The following SVIL variants were observed in gnomAD, a reference collection of about 807,000 sequenced individuals.
SVIL encodes archvillin.
In SVIL, 101 loss-of-function variants were observed where a neutral mutation model predicts 240.4. That is an observed-to-expected ratio of 0.42 (90% CI 0.36 to 0.50). SVIL has a LOEUF of 0.50. Ranked by LOEUF, SVIL falls within the 20% of genes least tolerant of loss-of-function variation. SVIL has a pLI of 0.01. For synonymous variants in SVIL, 999 were observed against 1,100.0 expected, an observed-to-expected ratio of 0.91 and a Z score of 1.82; for missense variants, 2,512 against 2,818.7, an observed-to-expected ratio of 0.89 and a Z score of 2.46.
chr10:29,564,580 G>A (rs1186997138), intron 2 of SVIL, among the ~76,000 whole-genome samples: 70 of 152,242 alleles, frequency 4.6e-4, no homozygotes, highest in Admixed American at 4.5e-3. Context: ...GACCGAGGAA[G>A]CCACTGCGCA....
intron 1 of SVIL, among the ~76,000 whole-genome samples, chr10:29,603,296 A>G (rs1956885677): frequency 6.6e-6 from 1 of 151,922 alleles, no homozygotes; most frequent in Admixed American, 6.6e-5. Flanking sequence ...TTTCTTCTTT[A>G]TAAAGAAGAA....
chr10:29,504,919 T>C (rs1484620809), intron 17 of SVIL, among the ~76,000 whole-genome samples: 1 of 152,266 alleles, frequency 6.6e-6, no homozygotes, highest in African/African-American at 2.4e-5. Context: ...TTATTCATAA[T>C]TGCCAAGACT....
chr10:29,730,807 C>T (rs1964576139), intron 1 of SVIL, among the ~76,000 whole-genome samples: 1 of 152,084 alleles, frequency 6.6e-6, no homozygotes, highest in African/African-American at 2.4e-5. Context: ...ATTTTACAAC[C>T]TTTTATAGAA....
At chr10:29,692,948 T>C (rs901502983) in intron 1 of SVIL, among the ~76,000 whole-genome samples, 10 of 152,222 alleles carry the variant, frequency 6.6e-5, no homozygotes, top group Non-Finnish European at 7.3e-5. Flanking sequence ...CTTAACCATA[T>C]ATGCCTAGTG....
At chr10:29,496,075 G>C (rs1044813110) in intron 18 of SVIL, among the ~76,000 whole-genome samples, 5 of 152,134 alleles carry the variant, frequency 3.3e-5, no homozygotes, top group African/African-American at 1.2e-4. Context: ...ACAACATCGA[G>C]AGGTTATGCA....
chr10:29,646,060 G>A (rs557866455), intron 3 of SVIL, among the ~76,000 whole-genome samples: 61 of 152,286 alleles, frequency 4.0e-4, no homozygotes, highest in Middle Eastern at 3.4e-3. Context: ...CTTTTGTCTG[G>A]TTTGTGAACT....
chr10:29,608,944 A>G (rs540383300), intron 1 of SVIL, among the ~76,000 whole-genome samples: 2 of 152,322 alleles, frequency 1.3e-5, no homozygotes, highest in African/African-American at 4.8e-5. Context: ...TTGGCCAATC[A>G]GACGGTGCTT....
At chr10:29,548,871 G>A (rs529593599) in intron 6 of SVIL, among the ~76,000 whole-genome samples, 45 of 152,318 alleles carry the variant, frequency 3.0e-4, no homozygotes, top group African/African-American at 1.1e-3. Context: ...CCCAGTAAGA[G>A]GGTCCTGAAG....
At chr10:29,699,123 T>C (rs1188415106) in intron 1 of SVIL, among the ~76,000 whole-genome samples, 3 of 152,170 alleles carry the variant, frequency 2.0e-5, no homozygotes, top group Non-Finnish European at 4.4e-5. Context: ...GTTTGGTTGC[T>C]GTATGTTATT....
At chr10:29,710,252 C>T (rs1963185369) in intron 1 of SVIL, among the ~76,000 whole-genome samples, 2 of 152,158 alleles carry the variant, frequency 1.3e-5, no homozygotes, top group African/African-American at 4.8e-5. Context: ...CAGGGTTTCA[C>T]TATATTGCCC....
At chr10:29,538,642 C>T (rs893398951) in intron 6 of SVIL, among the ~76,000 whole-genome samples, 1 of 152,226 alleles carries the variant, frequency 6.6e-6, no homozygotes, top group Non-Finnish European at 1.5e-5. Context: ...GGGAACGACC[C>T]ATCTCCATAG....
chr10:29,666,660 C>G (rs1959322669), intron 2 of SVIL, among the ~76,000 whole-genome samples: 1 of 152,172 alleles, frequency 6.6e-6, no homozygotes, highest in Non-Finnish European at 1.5e-5. Flanking sequence ...GTACAACACA[C>G]TGTGTTATGT....
intron 6 of SVIL, among the ~76,000 whole-genome samples, chr10:29,550,068 A>C (rs1953136318): frequency 6.6e-6 from 1 of 151,394 alleles, no homozygotes; most frequent in Admixed American, 6.6e-5. Flanking sequence ...AGAAAAAAAA[A>C]AACATAAGAA....
At chr10:29,620,865 C>T (rs1419944734) in intron 1 of SVIL, among the ~76,000 whole-genome samples, 1 of 152,206 alleles carries the variant, frequency 6.6e-6, no homozygotes, top group Non-Finnish European at 1.5e-5. Context: ...GATCCACCCA[C>T]CTCAGCCTCC....
intron 1 of SVIL, among the ~76,000 whole-genome samples, chr10:29,608,008 T>C (rs1957089350): frequency 6.6e-6 from 1 of 152,264 alleles, no homozygotes; most frequent in African/African-American, 2.4e-5. Flanking sequence ...GACAGGCATC[T>C]ATCCGATCAT....
intron 2 of SVIL, among the ~76,000 whole-genome samples, chr10:29,665,969 C>T (rs1245131211): frequency 1.3e-5 from 2 of 152,270 alleles, no homozygotes; most frequent in Non-Finnish European, 2.9e-5. Flanking sequence ...ATGACTTTCA[C>T]CTCCTTTCTC....
At chr10:29,516,952 T>A (rs548715961) in intron 16 of SVIL, among the ~76,000 whole-genome samples, 1 of 152,342 alleles carries the variant, frequency 6.6e-6, no homozygotes, top group African/African-American at 2.4e-5. Context: ...TCTCTCTCTT[T>A]TTCAGAATTT....
intron 6 of SVIL, among the ~76,000 whole-genome samples, 161 bp downstream of exon 6, chr10:29,550,436 T>A (rs1589218768): frequency 7.0e-6 from 1 of 142,780 alleles, no homozygotes; most frequent in East Asian, 2.1e-4. Flanking sequence ...AGTGGGACCC[T>A]GTCTTCAGAA....
intron 16 of SVIL, among the ~76,000 whole-genome samples, chr10:29,514,944 G>A (rs1416146039): frequency 6.6e-6 from 1 of 152,194 alleles, no homozygotes; most frequent in Non-Finnish European, 1.5e-5. Context: ...CTACGTATGT[G>A]TACATAATCA....
Sources: gnomAD v4.1 joint callset for allele counts (sites outside exome capture counted in the v4.1 genomes callset) on GRCh38, gnomAD v4.1.1 for gene constraint, MANE v1.5 for transcripts, NCBI Gene and HGNC (gene_info 2026-07-23, HGNC 2026-07-21) for gene names.